The following GSK3B variants were observed in gnomAD, a reference collection of about 807,000 sequenced individuals.
GSK3B encodes the protein glycogen synthase kinase 3 beta.
Under a neutral mutation model 56.4 loss-of-function variants are expected in GSK3B, and 15 were observed. The observed-to-expected ratio is 0.27, with a 90% CI of 0.18 to 0.41. GSK3B has a LOEUF of 0.41. Among genes scored for constraint, GSK3B ranks in the 10% least tolerant of loss-of-function variants. The pLI is 1.00. For missense variants in GSK3B, 300 were observed against 513.4 expected, an observed-to-expected ratio of 0.58 and a Z score of 4.02; for synonymous variants, 181 against 188.9, an observed-to-expected ratio of 0.96 and a Z score of 0.34.
At chr3:119,926,581 G>A (rs544920663) in intron 3 of GSK3B, among the ~76,000 whole-genome samples, 1 of 152,176 alleles carries the variant, frequency 6.6e-6, no homozygotes, top group South Asian at 2.1e-4. Context: ...AAGTTAGACT[G>A]TATCTCTTCT....
At chr3:120,040,341 G>A (rs188423848) in intron 1 of GSK3B, among the ~76,000 whole-genome samples, 112 of 152,242 alleles carry the variant, frequency 7.4e-4, no homozygotes, top group East Asian at 9.7e-4. Flanking sequence ...ATACTGACCC[G>A]CCATCAATGC....
chr3:120,012,467 A>G (rs1356891536), intron 1 of GSK3B, among the ~76,000 whole-genome samples: 2 of 152,216 alleles, frequency 1.3e-5, no homozygotes, highest in African/African-American at 4.8e-5. Flanking sequence ...AGCAGCAGGA[A>G]CTAGTTCAGC....
At chr3:120,087,718 C>T (rs1172464214) in intron 1 of GSK3B, among the ~76,000 whole-genome samples, 3 of 152,084 alleles carry the variant, frequency 2.0e-5, no homozygotes, top group South Asian at 4.1e-4. Context: ...ATCATTACTT[C>T]AAGTGATCAA....
chr3:119,907,661 C>T (rs146390897), intron 6 of GSK3B, among the ~76,000 whole-genome samples: 232 of 152,236 alleles, frequency 1.5e-3, no homozygotes, highest in Middle Eastern at 3.4e-3. Context: ...GCCAGAATAG[C>T]ATTTTGTTTC....
intron 2 of GSK3B, among the ~76,000 whole-genome samples, chr3:119,954,222 GAGAATAGAATAGAAT>G (rs1262281777): frequency 0.19 from 19,548 of 101,284 alleles, 1,924 homozygotes; most frequent in Admixed American, 0.23. Flanking sequence ...AGTGTGGAAG[GAGAATAGAATAGAAT>G]AGAATAGAAT....
At chr3:119,897,141 C>T (rs537199516) in intron 7 of GSK3B, among the ~76,000 whole-genome samples, 7 of 152,232 alleles carry the variant, frequency 4.6e-5, no homozygotes, top group South Asian at 4.1e-4. Flanking sequence ...GGAAAAGTAA[C>T]GATTTCAAAT....
chr3:120,029,445 A>C (rs2057956981), intron 1 of GSK3B: 1 of 715,920 alleles, frequency 1.4e-6, no homozygotes, highest in Non-Finnish European at 2.6e-6. Context: ...CCTCCAGCAC[A>C]GTGAACATTC....
chr3:119,866,942 C>CA (rs2108038647), intron 8 of GSK3B, among the ~76,000 whole-genome samples: 1 of 151,832 alleles, frequency 6.6e-6, no homozygotes, highest in African/African-American at 2.4e-5. Context: ...AATACAAAAC[C>CA]AAAAAAAGTT....
At position 119,876,415 on chromosome 3, in the gene GSK3B, T is replaced by C. The variant is rs2056313898; in HGVS notation, c.907A>G (p.Lys303Glu). ...ACTTAAAAAAAAATCTAACTCACCTTAGTCCAAGGATGTGCCTTAATTTGA... is the reference window on the plus strand; with the variant it reads ...ACTTAAAAAAAAATCTAACTCACCTCAGTCCAAGGATGTGCCTTAATTTGA... ...FPQIKAHPWT[K>E]VFRPRTPPEA... Residue 303 changes from lysine to glutamate, a missense_variant and splice_region_variant, in exon 8 of 11, where the codon AAG (lysine) becomes GAG (glutamate). Coordinates refer to ENST00000264235, the MANE Select transcript of GSK3B (RefSeq NM_001146156.2). The C allele has an allele frequency of 1.3e-6, 2 of 1,547,904 alleles. No individual in the cohort carries two copies.
At chr3:120,061,683 C>A (rs1255482166) in intron 1 of GSK3B, among the ~76,000 whole-genome samples, 2 of 152,138 alleles carry the variant, frequency 1.3e-5, no homozygotes, top group African/African-American at 4.8e-5. Flanking sequence ...AGCAGAATTT[C>A]TGAAACTCTT....
chr3:120,023,124 C>A (rs1314742634), intron 1 of GSK3B, among the ~76,000 whole-genome samples: 1 of 151,626 alleles, frequency 6.6e-6, no homozygotes, highest in Non-Finnish European at 1.5e-5. Flanking sequence ...AGGACTAGCC[C>A]AAGTCTGCTA....
chr3:119,934,566 G>A (rs954596066), intron 3 of GSK3B, among the ~76,000 whole-genome samples: 3 of 152,176 alleles, frequency 2.0e-5, no homozygotes, highest in African/African-American at 7.2e-5. Flanking sequence ...CTTATACTTT[G>A]TAAATGTAAT....
chr3:120,085,022 A>G (rs1282464437), intron 1 of GSK3B, among the ~76,000 whole-genome samples: 3 of 152,258 alleles, frequency 2.0e-5, no homozygotes, highest in South Asian at 4.1e-4. Flanking sequence ...GAAAGGACAC[A>G]TAAGAAATTG....
chr3:120,054,478 C>T (rs2058176990), intron 1 of GSK3B, among the ~76,000 whole-genome samples: 1 of 152,170 alleles, frequency 6.6e-6, no homozygotes, highest in Admixed American at 6.5e-5. Flanking sequence ...TTTTATTTGT[C>T]CTTTAGGCAG....
At chr3:120,085,563 G>A (rs980550704) in intron 1 of GSK3B, among the ~76,000 whole-genome samples, 4 of 152,318 alleles carry the variant, frequency 2.6e-5, no homozygotes, top group South Asian at 4.1e-4. Context: ...ACTTTGCGAG[G>A]CTGAGGCCAG....
rs970805914 is a variant in GSK3B, at chr3:120,093,201, C to A, written c.88+146G>T. 4 of 566,272 alleles carry A rather than the reference C, an allele frequency of 7.1e-6. No individual in the cohort carries two copies. In the African/African-American group the frequency reaches 7.4e-5, roughly 11 times the overall value. 35.1% of individuals were successfully genotyped at this position (566,272 alleles called of 1,614,324 possible). A position where few individuals can be genotyped will look rare whatever the true frequency, so the allele number is the denominator to read the frequency against. ...GGGTATGGGAGGAGTAAAAAGGGAG[C>A]TGCTTCATCCTTGACTGAAGATAGG... On this transcript the variant is annotated intron_variant, in intron 1 of 10. Coordinates refer to ENST00000264235, the MANE Select transcript of GSK3B (RefSeq NM_001146156.2).
In GSK3B at chr3:120,071,311, G is replaced by A. The variant is rs72969200; in HGVS notation, c.88+22036C>T. On this transcript the variant is annotated intron_variant, in intron 1 of 10. Coordinates refer to ENST00000264235, the MANE Select transcript of GSK3B (RefSeq NM_001146156.2). ...TCCCATCTTAATTCCATATAGTTGAGCTAGGAAATAAGTACCTCTGGTTAT... is the reference window on the plus strand; with the variant it reads ...TCCCATCTTAATTCCATATAGTTGAACTAGGAAATAAGTACCTCTGGTTAT... Among the ~76,000 whole-genome samples, 1,462 of 152,254 alleles carry A rather than the reference G, an allele frequency of 9.6e-3. 21 individuals are homozygous for A. The highest frequency in any genetic ancestry group is 0.034 in the African/African-American group (1,397 of 41,540).
chr3:120,047,560 C>T (rs543644565), intron 1 of GSK3B, among the ~76,000 whole-genome samples: 14 of 152,284 alleles, frequency 9.2e-5, no homozygotes, highest in South Asian at 6.2e-4. Flanking sequence ...GCAACTAGTA[C>T]ATAAAATAGC....
intron 9 of GSK3B, chr3:119,843,703 G>A: frequency 6.2e-6 from 1 of 160,178 alleles, no homozygotes; most frequent in Non-Finnish European, 1.4e-5. Context: ...AAAGAGACTT[G>A]GACTCCCACA....
Sources: gnomAD v4.1 joint callset for allele counts (sites outside exome capture counted in the v4.1 genomes callset) on GRCh38, gnomAD v4.1.1 for gene constraint, MANE v1.5 for transcripts, NCBI Gene and HGNC (gene_info 2026-07-23, HGNC 2026-07-21) for gene names.